DPYD: variants seen among roughly 807,000 people sequenced by gnomAD.
The protein encoded by DPYD is dihydropyrimidine dehydrogenase [NADP(+)].
In DPYD, 109 loss-of-function variants were observed where a neutral mutation model predicts 116.2. That is an observed-to-expected ratio of 0.94 (90% CI 0.80 to 1.10). The LOEUF (loss-of-function observed/expected upper bound fraction) is 1.10, where lower values mean the gene tolerates loss of function less well. Ranked by LOEUF, DPYD falls within the 50% of genes least tolerant of loss-of-function variation. The pLI, the probability that DPYD is intolerant of heterozygous loss-of-function variation, is 0.00. For missense variants in DPYD, 1,302 were observed against 1,254.5 expected, an observed-to-expected ratio of 1.04 and a Z score of -0.57; for synonymous variants, 440 against 432.0, an observed-to-expected ratio of 1.02 and a Z score of -0.23.
chr1:97,478,731 T>C (rs1406023915), intron 13 of DPYD, among the ~76,000 whole-genome samples: 1 of 152,244 alleles, frequency 6.6e-6, no homozygotes, highest in Non-Finnish European at 1.5e-5. Flanking sequence ...CTTGTTTAGC[T>C]GTAAAAGTCC....
chr1:97,215,417 T>A (rs767698319), intron 19 of DPYD, among the ~76,000 whole-genome samples: 1 of 152,206 alleles, frequency 6.6e-6, no homozygotes, highest in Non-Finnish European at 1.5e-5. Context: ...GAAAAGGTCA[T>A]CTGAGTCCTT....
At chr1:97,767,487 C>T (rs1003132584) in intron 3 of DPYD, among the ~76,000 whole-genome samples, 4 of 64,494 alleles carry the variant, frequency 6.2e-5, no homozygotes, top group Middle Eastern at 8.3e-3. Flanking sequence ...AGAAACTCTG[C>T]ATGTTCTGTT....
rs981735823 is a variant in DPYD at position 97,573,700 on chromosome 1, C to G, written c.1339+60G>C. 11 of 1,595,306 alleles carry G rather than the reference C, an allele frequency of 6.9e-6. No individual in the cohort carries two copies. The South Asian group carries it at 1.1e-4, about 16-fold the overall frequency. On this transcript the variant is annotated intron_variant, in intron 11 of 22. Transcript: ENST00000370192. ...AAAACAATTCCCTGAAAGCTAGAAACTATTACAGCACTAAAATAACAGACA... is the reference window on the plus strand; with the variant it reads ...AAAACAATTCCCTGAAAGCTAGAAAGTATTACAGCACTAAAATAACAGACA...
intron 14 of DPYD, among the ~76,000 whole-genome samples, chr1:97,406,276 CT>C (rs201319330): frequency 1.9e-3 from 119 of 61,088 alleles, no homozygotes; most frequent in East Asian, 5.3e-3. Flanking sequence ...GTCTCTTTAG[CT>C]TTTTTTTTTT....
intron 12 of DPYD, 149 bp from the exon 13 acceptor site, chr1:97,516,090 G>T (rs2101977375): frequency 2.6e-6 from 2 of 777,684 alleles, no homozygotes; most frequent in Non-Finnish European, 2.2e-6. Flanking sequence ...AAAAGTCAGT[G>T]AGCAGTGAAC....
chr1:97,146,971 G>A (rs1396701919), intron 20 of DPYD, among the ~76,000 whole-genome samples: 1 of 152,178 alleles, frequency 6.6e-6, no homozygotes, highest in Non-Finnish European at 1.5e-5. Context: ...CCAATGTATT[G>A]AGGCTGTTAT....
intron 8 of DPYD, among the ~76,000 whole-genome samples, chr1:97,662,567 A>G (rs1455827431): frequency 2.6e-5 from 4 of 152,188 alleles, no homozygotes; most frequent in African/African-American, 9.6e-5. Context: ...CAGGAGGCAG[A>G]GTTTGCAGTG....
rs115746937 is a variant in DPYD at position 97,563,842 on chromosome 1, A to G, written c.1339+9918T>C. Among the ~76,000 whole-genome samples the G allele has an allele frequency of 3.3e-3, 504 of 152,264 alleles. 4 individuals are homozygous for G. The highest frequency in any genetic ancestry group is 0.012 in the African/African-American group (484 of 41,556). On this transcript the variant is annotated intron_variant, in intron 11 of 22. Coordinates refer to ENST00000370192, the MANE Select transcript of DPYD (RefSeq NM_000110.4). Reference sequence around the variant, plus strand: ...CCTCCACCCTTTCAAAATAATTCCAAAGAAAACCTGTGCAAGGATTCCATT... The same window carrying G: ...CCTCCACCCTTTCAAAATAATTCCAGAGAAAACCTGTGCAAGGATTCCATT...
intron 13 of DPYD, among the ~76,000 whole-genome samples, chr1:97,502,804 T>C (rs1008855139): frequency 3.9e-5 from 6 of 151,994 alleles, no homozygotes. Context: ...TAACTTTTAT[T>C]GACAGGGTAT....
chr1:97,811,203 T>C (rs1190983907), intron 3 of DPYD, among the ~76,000 whole-genome samples: 1 of 152,190 alleles, frequency 6.6e-6, no homozygotes, highest in African/African-American at 2.4e-5. Flanking sequence ...CTTCTTCCTC[T>C]TTGTAGAATT....
At chr1:97,446,827 C>T (rs1241095542) in intron 14 of DPYD, among the ~76,000 whole-genome samples, 2 of 152,010 alleles carry the variant, frequency 1.3e-5, no homozygotes, top group African/African-American at 4.8e-5. Context: ...TTCTGCAAGC[C>T]CTAGTTATTC....
At chr1:97,458,642 A>G (rs1173787571) in intron 13 of DPYD, among the ~76,000 whole-genome samples, 1 of 152,184 alleles carries the variant, frequency 6.6e-6, no homozygotes, top group East Asian at 1.9e-4. Flanking sequence ...CCACATAAAT[A>G]TAGGACCAAG....
chr1:97,190,981 C>A (rs898325625), intron 20 of DPYD, among the ~76,000 whole-genome samples: 1 of 151,870 alleles, frequency 6.6e-6, no homozygotes, highest in African/African-American at 2.4e-5. Context: ...CTATAGTATG[C>A]GGACACTGTG....
chr1:97,277,361 G>C (rs1665003731), intron 18 of DPYD, among the ~76,000 whole-genome samples: 1 of 150,492 alleles, frequency 6.6e-6, no homozygotes, highest in African/African-American at 2.4e-5. Context: ...AATCTAAAAT[G>C]AGAGTTGAAA....
At chr1:97,707,958 T>C (rs781427398) in intron 5 of DPYD, among the ~76,000 whole-genome samples, 3 of 152,060 alleles carry the variant, frequency 2.0e-5, no homozygotes, top group Non-Finnish European at 4.4e-5. Context: ...GCTTGTCTTT[T>C]CATTTTCTTT....
At chr1:97,087,904 G>C (rs1251961715) in intron 21 of DPYD, among the ~76,000 whole-genome samples, 1 of 152,116 alleles carries the variant, frequency 6.6e-6, no homozygotes, top group Non-Finnish European at 1.5e-5. Context: ...TAAGTAGTGA[G>C]TATTAATAGA....
chr1:97,312,282 T>G (rs1229123833), intron 16 of DPYD, among the ~76,000 whole-genome samples: 1 of 151,798 alleles, frequency 6.6e-6, no homozygotes, highest in Non-Finnish European at 1.5e-5. Context: ...TTTGCTGAGG[T>G]TGCAAAGAAA....
At chr1:97,295,421 T>G (rs1336680252) in intron 18 of DPYD, 1 of 146,636 alleles carries the variant, frequency 6.8e-6, no homozygotes, top group East Asian at 2.0e-4. Context: ...AATACTGAGA[T>G]TTATAAATCT....
At chr1:97,903,360 C>T (rs754220903) in intron 1 of DPYD, among the ~76,000 whole-genome samples, 1 of 151,814 alleles carries the variant, frequency 6.6e-6, no homozygotes, top group Non-Finnish European at 1.5e-5. Context: ...CCCTAAAATG[C>T]AGGTTATAGA....
Sources: allele counts gnomAD v4.1 joint callset (sites outside exome capture counted in the v4.1 genomes callset), GRCh38; gene constraint gnomAD v4.1.1; transcripts MANE v1.5; gene names NCBI Gene and HGNC (gene_info 2026-07-23, HGNC 2026-07-21).